The following ADK variants were observed in gnomAD, a reference collection of about 807,000 sequenced individuals.
The protein encoded by ADK is N6,N6-dimethyladenosine kinase.
In ADK, 24 loss-of-function variants were observed where a neutral mutation model predicts 44.7. The ratio of observed to expected loss-of-function variants is 0.54; its 90% CI spans 0.39 to 0.76. ADK has a LOEUF of 0.76. Ranked by LOEUF, ADK falls within the 30% of genes least tolerant of loss-of-function variation. ADK has a pLI of 0.00. For synonymous variants in ADK, 128 were observed against 142.6 expected (o/e 0.90, Z 0.73); for missense variants, 321 against 425.1 (o/e 0.76, Z 2.15).
chr10:74,625,062 C>T (rs1051331465), intron 9 of ADK, among the ~76,000 whole-genome samples: 7 of 152,070 alleles, frequency 4.6e-5, no homozygotes, highest in Non-Finnish European at 7.4e-5. Flanking sequence ...TGAGTGCCTA[C>T]TGTATGTCAA....
At chr10:74,514,974 A>C (rs183714544) in intron 6 of ADK, among the ~76,000 whole-genome samples, 1 of 152,126 alleles carries the variant, frequency 6.6e-6, no homozygotes, top group Admixed American at 6.5e-5. Context: ...ACAGACACTC[A>C]CCAATATGCC....
intron 4 of ADK, among the ~76,000 whole-genome samples, chr10:74,382,673 TATAAG>T (rs994431231): frequency 1.3e-5 from 2 of 152,154 alleles, no homozygotes; most frequent in African/African-American, 4.8e-5. Context: ...TTTTTAAAAT[TATAAG>T]ATACAGTATT....
At chr10:74,355,282 T>C (rs1842096449) in intron 4 of ADK, among the ~76,000 whole-genome samples, 1 of 152,354 alleles carries the variant, frequency 6.6e-6, no homozygotes, top group South Asian at 2.1e-4. Flanking sequence ...TAATCAAGAT[T>C]ACTTGGAATT....
chr10:74,474,764 T>A (rs1846759737), intron 6 of ADK, among the ~76,000 whole-genome samples: 1 of 152,146 alleles, frequency 6.6e-6, no homozygotes, highest in Non-Finnish European at 1.5e-5. Context: ...GCTCAAGCAA[T>A]CCTCACAACT....
intron 6 of ADK, among the ~76,000 whole-genome samples, chr10:74,519,275 C>T (rs1267494612): frequency 2.6e-5 from 4 of 151,768 alleles, no homozygotes; most frequent in African/African-American, 9.7e-5. Context: ...CAATAAAGCT[C>T]CAGCAGAAAA....
intron 1 of ADK, among the ~76,000 whole-genome samples, chr10:74,158,730 A>G (rs1443939630): frequency 6.6e-6 from 1 of 152,234 alleles, no homozygotes; most frequent in Non-Finnish European, 1.5e-5. Flanking sequence ...AAAGTTGGCT[A>G]CTGTGCAGGA....
intron 6 of ADK, among the ~76,000 whole-genome samples, chr10:74,420,452 A>G (rs1844520973): frequency 6.6e-6 from 1 of 152,162 alleles, no homozygotes; most frequent in African/African-American, 2.4e-5. Flanking sequence ...ACTGTAAGGT[A>G]GTTTTCTATT....
chr10:74,497,813 A>G (rs760240904), intron 6 of ADK, among the ~76,000 whole-genome samples: 1 of 152,174 alleles, frequency 6.6e-6, no homozygotes, highest in Non-Finnish European at 1.5e-5. Context: ...CTGTGTCTCT[A>G]AAAGTATAGA....
intron 4 of ADK, among the ~76,000 whole-genome samples, chr10:74,352,897 TAAA>T (rs1198690150): frequency 6.6e-6 from 1 of 152,090 alleles, no homozygotes; most frequent in African/African-American, 2.4e-5. Flanking sequence ...TGGCGATCAT[TAAA>T]AAGTCAGGAA....
intron 3 of ADK, among the ~76,000 whole-genome samples, chr10:74,301,325 C>T (rs1840023820): frequency 4.6e-5 from 7 of 151,856 alleles, no homozygotes; most frequent in Middle Eastern, 3.4e-3. Flanking sequence ...CCAGTCTGGC[C>T]AATATGGTTA....
chr10:74,564,183 G>A (rs992571810), intron 7 of ADK, among the ~76,000 whole-genome samples: 4 of 151,992 alleles, frequency 2.6e-5, no homozygotes, highest in Admixed American at 2.0e-4. Flanking sequence ...TGAGAATGAT[G>A]CGTCTTTGGC....
intron 9 of ADK, among the ~76,000 whole-genome samples, chr10:74,647,019 C>A (rs899651391): frequency 2.6e-5 from 4 of 151,774 alleles, no homozygotes; most frequent in African/African-American, 9.7e-5. Flanking sequence ...CTCCCCATCT[C>A]AAATTAAAAG....
chr10:74,612,372 C>T (rs1465316995), intron 9 of ADK, among the ~76,000 whole-genome samples: 1 of 152,126 alleles, frequency 6.6e-6, no homozygotes, highest in African/African-American at 2.4e-5. Context: ...TCTCCTGCCT[C>T]AGCCTTCCAA....
At chr10:74,392,680 C>G (rs1287002574) in intron 4 of ADK, among the ~76,000 whole-genome samples, 1 of 152,058 alleles carries the variant, frequency 6.6e-6, no homozygotes, top group East Asian at 1.9e-4. Flanking sequence ...GTTGCCTGTG[C>G]TTTTGTTCCA....
intron 6 of ADK, among the ~76,000 whole-genome samples, chr10:74,401,498 C>T (rs906868777): frequency 6.6e-6 from 1 of 151,828 alleles, no homozygotes; most frequent in Non-Finnish European, 1.5e-5. Context: ...ATGTAATGGC[C>T]TTCTTTATCT....
At chr10:74,373,838 G>C (rs911927826) in intron 4 of ADK, among the ~76,000 whole-genome samples, 1 of 152,130 alleles carries the variant, frequency 6.6e-6, no homozygotes, top group Non-Finnish European at 1.5e-5. Context: ...TTGCACAAAT[G>C]TTTATAGCAG....
chr10:74,265,643 A>G (rs931067055), intron 3 of ADK, among the ~76,000 whole-genome samples: 3 of 152,148 alleles, frequency 2.0e-5, no homozygotes, highest in East Asian at 1.9e-4. Context: ...CAGAACTTCT[A>G]TACACTTTCA....
intron 4 of ADK, among the ~76,000 whole-genome samples, chr10:74,361,048 C>T (rs61863362): frequency 0.011 from 1,615 of 152,302 alleles, 14 homozygotes; most frequent in Admixed American, 0.017. Flanking sequence ...GCTGGGACTA[C>T]AGGCGTGCAC....
chr10:74,348,275 G>A (rs1306112232), intron 4 of ADK, among the ~76,000 whole-genome samples: 1 of 152,158 alleles, frequency 6.6e-6, no homozygotes, highest in Non-Finnish European at 1.5e-5. Flanking sequence ...GCCTCCATTG[G>A]TGATACTCAG....
Sources: gnomAD v4.1 joint callset for allele counts (sites outside exome capture counted in the v4.1 genomes callset) on GRCh38, gnomAD v4.1.1 for gene constraint, MANE v1.5 for transcripts, NCBI Gene and HGNC (gene_info 2026-07-23, HGNC 2026-07-21) for gene names.